The following MYH13 variants were observed in gnomAD, a reference collection of about 807,000 sequenced individuals.
MYH13 encodes myosin heavy chain 13.
MYH13 carries 177 observed loss-of-function variants against 232.1 expected under a neutral mutation model. That is an observed-to-expected ratio of 0.76 (90% confidence interval 0.67 to 0.86). The LOEUF (loss-of-function observed/expected upper bound fraction) is 0.86, where lower values mean the gene tolerates loss of function less well. Among genes scored for constraint, MYH13 ranks in the 40% least tolerant of loss-of-function variants. The probability of loss-of-function intolerance (pLI) is 0.00; values close to 1 mark genes in which losing one functional copy is unlikely to be tolerated. For missense variants in MYH13, 2,246 were observed against 2,405.9 expected, an observed-to-expected ratio of 0.93 and a Z score of 1.39; for synonymous variants, 884 against 923.5, an observed-to-expected ratio of 0.96 and a Z score of 0.78.
intron 32 of MYH13, 149 bp from the exon 33 acceptor site, chr17:10,311,376 G>A (rs879128278): frequency 1.1e-6 from 1 of 939,000 alleles, no homozygotes; most frequent in Non-Finnish European, 1.6e-6. Flanking sequence ...GTGTTGGCAA[G>A]ACAGGGATGT....
At position 10,352,603 on chromosome 17, in the gene MYH13, CAAAA is replaced by C. The variant is rs536659923; in HGVS notation, c.1006-1913_1006-1910del. Among the ~76,000 whole-genome samples, 112 of 151,692 alleles carry C rather than the reference CAAAA, an allele frequency of 7.4e-4. No homozygotes were observed. The East Asian group carries it at 0.02, about 27-fold the overall frequency. ...ACTCCATCTCAAAAAAAACAAAAAA[CAAAA>C]AACCAAAAAAAGGCTCCGTGAGAGG... is the stretch of plus-strand genomic sequence containing the variant. On this transcript the variant is annotated intron_variant, in intron 11 of 40. Coordinates refer to ENST00000252172, the MANE Select transcript of MYH13 (RefSeq NM_003802.3).
intron 21 of MYH13, among the ~76,000 whole-genome samples, chr17:10,329,928 A>C (rs2142244305): frequency 6.6e-6 from 1 of 152,078 alleles, no homozygotes; most frequent in Non-Finnish European, 1.5e-5. Flanking sequence ...TGAACCTGGA[A>C]GCTGGAGATT....
At chr17:10,365,991 T>C (rs1443096484) in intron 2 of MYH13, among the ~76,000 whole-genome samples, 1 of 152,020 alleles carries the variant, frequency 6.6e-6, no homozygotes, top group African/African-American at 2.4e-5. Flanking sequence ...TCTTTATGTA[T>C]TTTTTCCTTC....
rs1214923817 is a variant in MYH13, at chr17:10,355,172, G to A, written c.739-25C>T. The stretch of plus-strand genomic sequence containing the variant: ...CCTGTCCAATAACAGGTGGACAAAT[G>A]TTACGGTTATTTGATTTATATGGTT... On this transcript the variant is annotated intron_variant, in intron 8 of 40. Transcript: ENST00000252172. 3 of 1,556,704 alleles carry A rather than the reference G, an allele frequency of 1.9e-6. No homozygotes were observed. In the Admixed American group the frequency reaches 5.8e-5, roughly 30 times the overall value.
rs375074832 is a variant in MYH13 at position 10,343,760 on chromosome 17, T to C, written c.1894+40A>G. On this transcript the variant is annotated intron_variant, in intron 16 of 40. Transcript: ENST00000252172. ...CAGCTCTGGGTTAGGAGTCATTACA[T>C]AGAACGTCCCACAGAGGGAAAGAAA... 5.2e-6 allele frequency: 8 copies of C among 1,537,250 alleles called. No homozygotes were observed. In the African/African-American group the frequency reaches 6.9e-5, roughly 13 times the overall value.
At chr17:10,316,927 G>T (rs565145210) in intron 27 of MYH13, among the ~76,000 whole-genome samples, 1 of 152,142 alleles carries the variant, frequency 6.6e-6, no homozygotes, top group Non-Finnish European at 1.5e-5. Context: ...CTAATTCCAC[G>T]GGCGTCCTGG....
intron 26 of MYH13, 72 bp from the exon 27 acceptor site, chr17:10,319,251 T>C (rs898344370): frequency 8.4e-5 from 126 of 1,504,504 alleles, no homozygotes; most frequent in Admixed American, 2.0e-4. Context: ...GGCTGGGTGT[T>C]GAGGAATTGC....
intron 16 of MYH13, chr17:10,341,539 T>C (rs2071619652): frequency 6.6e-6 from 1 of 152,238 alleles, no homozygotes; most frequent in Admixed American, 6.5e-5. Flanking sequence ...TTTTTCTGAA[T>C]GACTCAGTTT....
intron 18 of MYH13, among the ~76,000 whole-genome samples, chr17:10,339,378 A>G (rs1478221667): frequency 8.5e-5 from 13 of 152,202 alleles, no homozygotes. Context: ...AGGGTTCTGT[A>G]TTTATATATA....
At chr17:10,372,599 T>C (rs2071885224) in intron 1 of MYH13, among the ~76,000 whole-genome samples, 1 of 152,276 alleles carries the variant, frequency 6.6e-6, no homozygotes, top group East Asian at 1.9e-4. Flanking sequence ...TAAATAAACA[T>C]AAAAATTTCA....
Position 10,321,571 on chromosome 17 carries a change from T to C in MYH13, c.3072A>G (p.Leu1024=). Residue 1024 remains leucine, a synonymous_variant, in exon 24 of 41, where the codon CTA becomes CTG. Transcript: ENST00000252172. ...LQVEEDKVNG[L]IKINAKLEQQ... is the part of the protein sequence containing the mutation. ...GTTCAAGCTTGGCATTTATTTTGAT[T>C]AGACCATTGACTTTATCTTCTTCCA... 1.2e-6 allele frequency: 2 copies of C among 1,613,880 alleles called. No individual in the cohort carries two copies. Among genetic ancestry groups the C allele is most frequent in the Non-Finnish European group, 1.7e-6 (2 of 1,179,846 alleles).
In MYH13 at chr17:10,350,690, G is replaced by T. The variant is rs1372887211; in HGVS notation, c.1010C>A (p.Ala337Asp). The T allele has an allele frequency of 1.9e-6, 3 of 1,613,636 alleles. No homozygotes were observed. Among genetic ancestry groups the T allele is most frequent in the South Asian group, 1.1e-5 (1 of 91,072 alleles). ...TGAGCTGAAGCCCAGGATGTCAATG[G>T]CATTCTGGAAAGAAAAAAAGGACAA... Reference protein sequence around the residue: ...DSEELLATDNAIDILGFSSEE... With the variant: ...DSEELLATDNDIDILGFSSEE... Residue 337 changes from alanine to aspartate, a missense_variant, in exon 12 of 41, where the codon GCC becomes GAC. Ala to Asp is a moderately radical substitution (Grantham distance 126). Coordinates refer to ENST00000252172, the MANE Select transcript of MYH13 (RefSeq NM_003802.3).
intron 20 of MYH13, among the ~76,000 whole-genome samples, 176 bp downstream of exon 20, chr17:10,331,923 C>T (rs904231021): frequency 6.6e-6 from 1 of 152,148 alleles, no homozygotes; most frequent in Non-Finnish European, 1.5e-5. Context: ...CAGCCACTTA[C>T]AAACCAACAG....
At chr17:10,313,504 A>AT (rs1479125315) in intron 29 of MYH13, 150 bp from the exon 30 acceptor site, 109 of 1,187,732 alleles carry the variant, frequency 9.2e-5, no homozygotes, top group East Asian at 4.9e-4. Context: ...GGTTTATTTA[A>AT]TTTTTTTTCA....
In MYH13 at chr17:10,325,570, G is replaced by T. The variant is rs1413592014; in HGVS notation, c.2692-1306C>A. On this transcript the variant is annotated intron_variant, in intron 22 of 40. Transcript: ENST00000252172. Reference sequence around the variant, plus strand: ...TAAAAACACCCAAGAATTCGTGATTGAATACATATGTCCCAGAAGATGCTG... The same window carrying T: ...TAAAAACACCCAAGAATTCGTGATTTAATACATATGTCCCAGAAGATGCTG... Among the ~76,000 whole-genome samples the T allele has an allele frequency of 3.3e-5, 5 of 152,358 alleles. No homozygotes were observed. In the South Asian group the frequency reaches 8.3e-4, roughly 25 times the overall value.
intron 22 of MYH13, among the ~76,000 whole-genome samples, chr17:10,327,333 A>T (rs1329206184): frequency 1.3e-5 from 2 of 150,950 alleles, no homozygotes; most frequent in African/African-American, 2.4e-5. Context: ...TTTTACAGAG[A>T]TGGGGTTTTG....
Position 10,304,659 on chromosome 17 carries a change from G to A in MYH13, c.5467-1161C>T, listed in dbSNP as rs8080010. On this transcript the variant is annotated intron_variant, in intron 37 of 40. Coordinates refer to ENST00000252172, the MANE Select transcript of MYH13 (RefSeq NM_003802.3). The surrounding 1 kb of genome is among the most constrained non-coding windows in gnomAD (Gnocchi z 5.3). ...TTGATAGACCCAAAGCAAGTCAGTC[G>A]CCACCACTGAGCATGAGTTTCTGTA... Among the ~76,000 whole-genome samples, 395 of 152,304 alleles carry A rather than the reference G, an allele frequency of 2.6e-3. 1 individual carries two copies. The highest frequency in any genetic ancestry group is 9.0e-3 in the African/African-American group (374 of 41,580).
chr17:10,303,390 C>T lies in MYH13; in HGVS notation c.5571+4G>A. The T allele has an allele frequency of 1.2e-6, 2 of 1,613,862 alleles. No individual in the cohort carries two copies. Among genetic ancestry groups the T allele is most frequent in the South Asian group, 1.1e-5 (1 of 91,074 alleles). On this transcript the variant is annotated splice_donor_region_variant and intron_variant, in intron 38 of 40. Coordinates refer to ENST00000252172, the MANE Select transcript of MYH13 (RefSeq NM_003802.3). ...TTCACTGAGGAGGTTTTTGGGACCC[C>T]TACCTGGTAAGTCATCTCCTTGACT...
Position 10,351,201 on chromosome 17 carries a change from A to T in MYH13, c.1006-507T>A, listed in dbSNP as rs149626689. 4.9e-3 allele frequency among the ~76,000 whole-genome samples: 598 copies of T among 123,298 alleles called. 5 individuals are homozygous for T. The highest frequency in any genetic ancestry group is 0.016 in the African/African-American group (561 of 34,622). 80.9% of individuals were successfully genotyped at this position (123,298 alleles called of 152,430 possible). A position where few individuals can be genotyped will look rare whatever the true frequency, so the allele number is the denominator to read the frequency against. On this transcript the variant is annotated intron_variant, in intron 11 of 40. Coordinates refer to ENST00000252172, the MANE Select transcript of MYH13 (RefSeq NM_003802.3). Reference sequence around the variant, plus strand: ...GTACCATTGCACTCCAGCCTGGGAGACAGAGTGAGACTCCATCTCAAAAAA... The same window carrying T: ...GTACCATTGCACTCCAGCCTGGGAGTCAGAGTGAGACTCCATCTCAAAAAA...
Sources: gnomAD v4.1 joint callset for allele counts (sites outside exome capture counted in the v4.1 genomes callset) on GRCh38, gnomAD v4.1.1 for gene constraint, Gnocchi (gnomAD v3.1) non-coding constraint, MANE v1.5 for transcripts, NCBI Gene and HGNC (gene_info 2026-07-23, HGNC 2026-07-21) for gene names.